Variants in NCK1 observed in about 807,000 individuals in gnomAD.
The protein encoded by NCK1 is NCK adaptor protein 1, also known as SH2/SH3 adapter protein NCK1.
In NCK1, 19 loss-of-function variants were observed where a neutral mutation model predicts 36.6. The ratio of observed to expected loss-of-function variants is 0.52; its 90% CI spans 0.36 to 0.76. The LOEUF is 0.76. Among genes scored for constraint, NCK1 ranks in the 30% least tolerant of loss-of-function variants. The pLI, the probability that NCK1 is intolerant of heterozygous loss-of-function variation, is 0.00. For missense variants in NCK1, 358 were observed against 445.6 expected (o/e 0.80, Z 1.77); for synonymous variants, 165 against 156.0 (o/e 1.06, Z -0.43).
chr3:136,886,370 G>T (rs1409507051), intron 1 of NCK1, among the ~76,000 whole-genome samples: 1 of 151,950 alleles, frequency 6.6e-6, no homozygotes, highest in East Asian at 1.9e-4. Flanking sequence ...TGAGTCTCTT[G>T]TGTAAAATGG....
rs1940913455 is a variant in NCK1 at position 136,949,323 on chromosome 3, A to T, written c.*870A>T. On this transcript the variant is annotated 3_prime_UTR_variant, in exon 4 of 4. Transcript: ENST00000481752. Reference sequence around the variant, plus strand: ...TAAGTTATGGCCAAGTTTTGCAAAAACAGGAAGCAGTGAGATACTTGTTTT... The same window carrying T: ...TAAGTTATGGCCAAGTTTTGCAAAATCAGGAAGCAGTGAGATACTTGTTTT... 6.6e-6 allele frequency: 1 copy of T among 152,012 alleles called. No individual in the cohort carries two copies. The highest frequency in any genetic ancestry group is 2.4e-5 in the African/African-American group (1 of 41,434). The allele number at this position is 152,012 out of a possible 1,614,324, so 9.4% of individuals were successfully genotyped here.
rs541296182 is a variant in NCK1 at position 136,880,627 on chromosome 3, CTTTG to C, written c.-19+18286_-19+18289del. Among the ~76,000 whole-genome samples the C allele has an allele frequency of 1.8e-3, 269 of 152,218 alleles. No homozygotes were observed. The South Asian group carries it at 0.023, about 13-fold the overall frequency. On this transcript the variant is annotated intron_variant, in intron 1 of 3. Coordinates refer to ENST00000481752, the MANE Select transcript of NCK1 (RefSeq NM_001291999.2). ...TCTTGAACTTAAGACAATCAACAAA[CTTTG>C]TTTGTTTGTTTTTTTGAGGCAGGTT...
At chr3:136,888,119 A>G (rs1294516317) in intron 1 of NCK1, among the ~76,000 whole-genome samples, 1 of 151,124 alleles carries the variant, frequency 6.6e-6, no homozygotes, top group Non-Finnish European at 1.5e-5. Flanking sequence ...TAATTTTTGT[A>G]TTTTTAGTAG....
chr3:136,909,822 A>G (rs907801131), intron 1 of NCK1, among the ~76,000 whole-genome samples: 7 of 152,324 alleles, frequency 4.6e-5, no homozygotes, highest in East Asian at 1.9e-4. Flanking sequence ...TTATTAATGT[A>G]TAGTATCCTT....
intron 1 of NCK1, among the ~76,000 whole-genome samples, chr3:136,917,610 T>C (rs150097118): frequency 6.6e-6 from 1 of 152,354 alleles, no homozygotes; most frequent in East Asian, 1.9e-4. Context: ...AGTTCATATC[T>C]TACACTTTTC....
At chr3:136,882,032 T>C (rs1348111618) in intron 1 of NCK1, among the ~76,000 whole-genome samples, 1 of 152,204 alleles carries the variant, frequency 6.6e-6, no homozygotes, top group African/African-American at 2.4e-5. Flanking sequence ...AGTTTTTTGA[T>C]GTACACCCAG....
chr3:136,919,314 T>C lies in NCK1; in HGVS notation c.-18-8670T>C, dbSNP rs530650532. On this transcript the variant is annotated intron_variant, in intron 1 of 3. Coordinates refer to ENST00000481752, the MANE Select transcript of NCK1 (RefSeq NM_001291999.2). ...ACTCTTAAATGTTTGTCAAATTTTA[T>C]TCACAACAAACAGTGAAAATCTTAC... 7.4e-4 allele frequency among the ~76,000 whole-genome samples: 112 copies of C among 152,276 alleles called. 2 individuals carry two copies. The highest frequency in any genetic ancestry group is 2.9e-5 in the Non-Finnish European group (2 of 68,012).
chr3:136,927,984 T>C lies in NCK1; in HGVS notation c.-18T>C, dbSNP rs1315760238. 2 of 1,581,270 alleles carry C rather than the reference T, an allele frequency of 1.3e-6. No individual in the cohort carries two copies. The highest frequency in any genetic ancestry group is 2.2e-5 in the South Asian group (2 of 90,376). On this transcript the variant is annotated splice_region_variant and 5_prime_UTR_variant, in exon 2 of 4. Coordinates refer to ENST00000481752, the MANE Select transcript of NCK1 (RefSeq NM_001291999.2). ...AAAAATATTTTCCATGTGTTTACAGTGCTGAAGCTGCTGAAAGATGGCAGA... is the reference window on the plus strand; with the variant it reads ...AAAAATATTTTCCATGTGTTTACAGCGCTGAAGCTGCTGAAAGATGGCAGA...
At chr3:136,904,773 C>T (rs879443549) in intron 1 of NCK1, among the ~76,000 whole-genome samples, 8 of 151,194 alleles carry the variant, frequency 5.3e-5, no homozygotes, top group Admixed American at 2.6e-4. Flanking sequence ...TCTCCTGAGA[C>T]ACTGAAAATT....
At chr3:136,886,595 C>T (rs369181543) in intron 1 of NCK1, among the ~76,000 whole-genome samples, 3 of 151,994 alleles carry the variant, frequency 2.0e-5, no homozygotes, top group Admixed American at 1.3e-4. Context: ...GATGCGGAAC[C>T]CATAGATACA....
At chr3:136,941,560 G>A (rs989686222) in intron 2 of NCK1, among the ~76,000 whole-genome samples, 1 of 151,866 alleles carries the variant, frequency 6.6e-6, no homozygotes, top group Non-Finnish European at 1.5e-5. Flanking sequence ...TACCAACTTA[G>A]TTTCAGTACT....
intron 2 of NCK1, among the ~76,000 whole-genome samples, chr3:136,941,202 T>C (rs1367925827): frequency 1.3e-5 from 2 of 149,724 alleles, no homozygotes; most frequent in Non-Finnish European, 3.0e-5. Context: ...CTCTGCTCAC[T>C]GCAACCTCTG....
intron 2 of NCK1, 51 bp downstream of exon 2, chr3:136,928,278 A>G (rs773055166): frequency 3.4e-6 from 5 of 1,486,202 alleles, no homozygotes; most frequent in African/African-American, 1.4e-5. Context: ...GAAACCTGCA[A>G]CTTAGTTCTT....
intron 1 of NCK1, among the ~76,000 whole-genome samples, chr3:136,886,547 T>C (rs1027080826): frequency 6.6e-6 from 1 of 152,130 alleles, no homozygotes; most frequent in African/African-American, 2.4e-5. Flanking sequence ...CTTTTTTTTT[T>C]CCTGAATGTT....
Position 136,938,115 on chromosome 3 carries a change from C to T in NCK1, c.227-7468C>T, listed in dbSNP as rs145814859. 3.6e-3 allele frequency among the ~76,000 whole-genome samples: 548 copies of T among 152,240 alleles called. 3 individuals carry two copies. The highest frequency in any genetic ancestry group is 0.01 in the African/African-American group (419 of 41,546). ...TTTGCTGAGCATTGTTATCATGAAA[C>T]GGTTTTGGATTTTGTCCAATACTTT... On this transcript the variant is annotated intron_variant, in intron 2 of 3. Coordinates refer to ENST00000481752, the MANE Select transcript of NCK1 (RefSeq NM_001291999.2).
chr3:136,928,373 C>T, intron 2 of NCK1, 146 bp downstream of exon 2: 1 of 695,946 alleles, frequency 1.4e-6, no homozygotes. Flanking sequence ...GTGGTCAACC[C>T]AGAAGACCAG....
At chr3:136,920,983 C>A (rs1940094349) in intron 1 of NCK1, among the ~76,000 whole-genome samples, 1 of 152,082 alleles carries the variant, frequency 6.6e-6, no homozygotes, top group Admixed American at 6.5e-5. Context: ...GAAGTCCTAA[C>A]CCCCAGTAGT....
At chr3:136,874,908 C>T (rs1938724212) in intron 1 of NCK1, among the ~76,000 whole-genome samples, 2 of 152,134 alleles carry the variant, frequency 1.3e-5, no homozygotes, top group Non-Finnish European at 2.9e-5. Context: ...TGTTTTCTAG[C>T]TTGTCATCCT....
chr3:136,879,359 A>C (rs1265065463), intron 1 of NCK1, among the ~76,000 whole-genome samples: 2 of 152,204 alleles, frequency 1.3e-5, no homozygotes, highest in Non-Finnish European at 1.5e-5. Context: ...GTGATTTTGC[A>C]GAATGAGAGG....
Sources: allele counts gnomAD v4.1 joint callset (sites outside exome capture counted in the v4.1 genomes callset), GRCh38; gene constraint gnomAD v4.1.1; transcripts MANE v1.5; gene names NCBI Gene and HGNC (gene_info 2026-07-23, HGNC 2026-07-21).